Variants in MAD1L1 observed in about 807,000 individuals in gnomAD.
The protein encoded by MAD1L1 is mitotic arrest deficient 1 like 1, also known as mitotic spindle assembly checkpoint protein MAD1.
A neutral mutation model predicts 96.9 loss-of-function variants in MAD1L1; 95 were observed. The ratio of observed to expected loss-of-function variants is 0.98; its 90% CI spans 0.83 to 1.16. The LOEUF (loss-of-function observed/expected upper bound fraction) is 1.16, where lower values mean the gene tolerates loss of function less well. Ranked by LOEUF, MAD1L1 falls within the 50% of genes most tolerant of loss-of-function variation. The probability of loss-of-function intolerance (pLI) is 0.00; values close to 1 mark genes in which losing one functional copy is unlikely to be tolerated. For missense variants in MAD1L1, 1,007 were observed against 954.4 expected, an observed-to-expected ratio of 1.06 and a Z score of -0.73; for synonymous variants, 473 against 396.6, an observed-to-expected ratio of 1.19 and a Z score of -2.29.
At chr7:1,953,962 C>A (rs549357064) in intron 16 of MAD1L1, among the ~76,000 whole-genome samples, 3 of 152,264 alleles carry the variant, frequency 2.0e-5, no homozygotes, top group East Asian at 1.9e-4. Flanking sequence ...CTGCCCAGTG[C>A]GGCCTCCACT....
At chr7:1,852,465 G>A (rs1290802975) in intron 18 of MAD1L1, among the ~76,000 whole-genome samples, 5 of 152,174 alleles carry the variant, frequency 3.3e-5, no homozygotes. Flanking sequence ...GGATCCCTGA[G>A]GCTGAGATGG....
At position 1,871,865 on chromosome 7, in the gene MAD1L1, T is replaced by C. The variant is rs1021017355; in HGVS notation, c.1998+26335A>G. On this transcript the variant is annotated intron_variant, in intron 18 of 18. Transcript: ENST00000265854. The stretch of plus-strand genomic sequence containing the variant: ...CCCCAGAGGAGATGTGGAGGGGACA[T>C]GGAGGGGACAGGGTCTAGGGTCCCC... 5.9e-5 allele frequency among the ~76,000 whole-genome samples: 9 copies of C among 151,996 alleles called. No homozygotes were observed. The South Asian group carries it at 6.2e-4, about 11-fold the overall frequency.
intron 11 of MAD1L1, among the ~76,000 whole-genome samples, chr7:2,106,555 T>TG (rs2128553925): frequency 6.6e-6 from 1 of 151,812 alleles, no homozygotes; most frequent in East Asian, 1.9e-4. Flanking sequence ...CTCCCAGGGG[T>TG]GGGGGGAGAA....
At chr7:1,817,968 C>A (rs1334269787) in intron 18 of MAD1L1, among the ~76,000 whole-genome samples, 4 of 151,836 alleles carry the variant, frequency 2.6e-5, no homozygotes, top group African/African-American at 7.3e-5. Flanking sequence ...TTCTCAGGAG[C>A]CGTCCCCGTG....
chr7:1,822,808 G>A (rs1042994189), intron 18 of MAD1L1, among the ~76,000 whole-genome samples: 3 of 150,400 alleles, frequency 2.0e-5, no homozygotes, highest in African/African-American at 7.4e-5. Flanking sequence ...AAGAAGAGTA[G>A]AGGAATTGCC....
intron 11 of MAD1L1, among the ~76,000 whole-genome samples, chr7:2,091,503 C>T (rs1046623244): frequency 2.0e-5 from 3 of 152,214 alleles, no homozygotes; most frequent in East Asian, 1.9e-4. Context: ...TGGCCGGACA[C>T]GGTAGCTCAC....
intron 17 of MAD1L1, among the ~76,000 whole-genome samples, chr7:1,901,435 G>C (rs538808148): frequency 1.0e-3 from 157 of 152,338 alleles, no homozygotes; most frequent in Middle Eastern, 6.8e-3. Context: ...CAGTGGCAGA[G>C]ACCCCCAGGG....
chr7:2,208,830 G>A (rs1168802499), intron 10 of MAD1L1, among the ~76,000 whole-genome samples: 2 of 152,072 alleles, frequency 1.3e-5, no homozygotes, highest in African/African-American at 4.8e-5. Context: ...GGTGTGTGCT[G>A]GCCTCCGCTT....
intron 12 of MAD1L1, among the ~76,000 whole-genome samples, chr7:2,030,765 G>A (rs935691475): frequency 2.6e-5 from 4 of 152,224 alleles, no homozygotes; most frequent in East Asian, 1.9e-4. Flanking sequence ...GTGGGTCAGC[G>A]AGGGTTTCCG....
chr7:1,911,031 C>G (rs1365311340), intron 17 of MAD1L1, among the ~76,000 whole-genome samples: 3 of 152,224 alleles, frequency 2.0e-5, no homozygotes, highest in Non-Finnish European at 4.4e-5. Context: ...GCTGCCTGTG[C>G]CCACAGCCCT....
At chr7:1,845,474 G>A (rs1783551401) in intron 18 of MAD1L1, 1 of 73,156 alleles carries the variant, frequency 1.4e-5, no homozygotes, top group Admixed American at 1.7e-4. Flanking sequence ...GCTCCACGCA[G>A]AGACGCGTCG....
chr7:1,883,234 C>G (rs574247788), intron 18 of MAD1L1, among the ~76,000 whole-genome samples: 3 of 152,298 alleles, frequency 2.0e-5, no homozygotes, highest in African/African-American at 7.2e-5. Flanking sequence ...CACAAACGGC[C>G]CCAGGAACCC....
chr7:2,167,986 G>A (rs940304407), intron 10 of MAD1L1, among the ~76,000 whole-genome samples: 1 of 151,362 alleles, frequency 6.6e-6, no homozygotes, highest in African/African-American at 2.4e-5. Flanking sequence ...AGATTGCAGA[G>A]TAAAGAACAG....
intron 10 of MAD1L1, among the ~76,000 whole-genome samples, chr7:2,184,295 AT>A (rs1011323792): frequency 6.6e-6 from 1 of 152,170 alleles, no homozygotes; most frequent in African/African-American, 2.4e-5. Flanking sequence ...GGCTCAACAT[AT>A]TCACTGACTA....
intron 10 of MAD1L1, among the ~76,000 whole-genome samples, chr7:2,154,992 G>A (rs900777101): frequency 2.0e-5 from 3 of 152,212 alleles, no homozygotes; most frequent in African/African-American, 7.2e-5. Flanking sequence ...GAGCCCAGGA[G>A]GCTCTGGGCA....
chr7:1,957,484 G>C (rs1238638456), intron 16 of MAD1L1, 145 bp downstream of exon 16: 1 of 797,532 alleles, frequency 1.3e-6, no homozygotes, highest in Non-Finnish European at 2.0e-6. Flanking sequence ...TGCCAGGCAA[G>C]GGGGTGCACA....
intron 12 of MAD1L1, 88 bp downstream of exon 12, chr7:2,069,106 C>T (rs1191765375): frequency 2.8e-6 from 4 of 1,439,410 alleles, no homozygotes; most frequent in Non-Finnish European, 3.7e-6. Context: ...TGCAGCACTC[C>T]TGCCTCCACA....
chr7:2,164,058 AAC>A (rs1376339391), intron 10 of MAD1L1, among the ~76,000 whole-genome samples: 1 of 152,170 alleles, frequency 6.6e-6, no homozygotes, highest in Non-Finnish European at 1.5e-5. Flanking sequence ...GGAAAATGGG[AAC>A]AGTTACAGTC....
chr7:1,865,871 G>A (rs1187585122), intron 18 of MAD1L1, among the ~76,000 whole-genome samples: 5 of 152,232 alleles, frequency 3.3e-5, no homozygotes, highest in East Asian at 1.9e-4. Context: ...GGGGCTCCAC[G>A]AGCCAGATGA....
Sources: allele counts gnomAD v4.1 joint callset (sites outside exome capture counted in the v4.1 genomes callset), GRCh38; gene constraint gnomAD v4.1.1; transcripts MANE v1.5; gene names NCBI Gene and HGNC (gene_info 2026-07-23, HGNC 2026-07-21).